CNTNAP2: variants seen among roughly 807,000 people sequenced by gnomAD.
CNTNAP2 encodes contactin-associated protein-like 2.
A neutral mutation model predicts 155.2 loss-of-function variants in CNTNAP2; 98 were observed. That is an observed-to-expected ratio of 0.63 (90% CI 0.54 to 0.75). CNTNAP2 has a LOEUF of 0.75. Among genes scored for constraint, CNTNAP2 ranks in the 30% least tolerant of loss-of-function variants. The pLI is 0.00. For synonymous variants in CNTNAP2, 651 were observed against 631.2 expected, an observed-to-expected ratio of 1.03 and a Z score of -0.47; for missense variants, 1,727 against 1,688.1, an observed-to-expected ratio of 1.02 and a Z score of -0.40.
intron 12 of CNTNAP2, among the ~76,000 whole-genome samples, chr7:147,593,572 G>T (rs908810108): frequency 2.0e-5 from 3 of 152,018 alleles, no homozygotes; most frequent in African/African-American, 7.3e-5. Flanking sequence ...TTCCTCAGTT[G>T]TAAAATATCA....
At chr7:147,193,225 T>C (rs1045025062) in intron 8 of CNTNAP2, among the ~76,000 whole-genome samples, 2 of 152,184 alleles carry the variant, frequency 1.3e-5, no homozygotes, top group East Asian at 1.9e-4. Context: ...TTAATATCAA[T>C]TTTCAGATAA....
intron 11 of CNTNAP2, among the ~76,000 whole-genome samples, chr7:147,532,757 T>C (rs1194636957): frequency 6.6e-6 from 1 of 151,808 alleles, no homozygotes; most frequent in African/African-American, 2.4e-5. Context: ...CAAGAGAAAA[T>C]GAGGAAGAAG....
At chr7:147,626,349 G>T (rs914690449) in intron 12 of CNTNAP2, among the ~76,000 whole-genome samples, 3 of 151,756 alleles carry the variant, frequency 2.0e-5, no homozygotes, top group Non-Finnish European at 4.4e-5. Context: ...ATGGGGGGGT[G>T]GGTTAGGCCT....
chr7:148,009,180 C>A (rs901203446), intron 15 of CNTNAP2, among the ~76,000 whole-genome samples: 1 of 152,182 alleles, frequency 6.6e-6, no homozygotes, highest in African/African-American at 2.4e-5. Context: ...ACCTAGCCTA[C>A]CTTAAACATG....
chr7:146,336,773 C>G (rs991425502), intron 1 of CNTNAP2, among the ~76,000 whole-genome samples: 3 of 152,042 alleles, frequency 2.0e-5, no homozygotes, highest in African/African-American at 7.2e-5. Context: ...GACCTAACAA[C>G]AAGAAGAACA....
At chr7:148,255,805 G>C (rs1209450230) in intron 20 of CNTNAP2, among the ~76,000 whole-genome samples, 1 of 152,132 alleles carries the variant, frequency 6.6e-6, no homozygotes, top group Non-Finnish European at 1.5e-5. Context: ...ACACAACAAA[G>C]AAAGATCTGT....
At chr7:148,379,599 C>T (rs1465014621) in intron 21 of CNTNAP2, among the ~76,000 whole-genome samples, 1 of 152,050 alleles carries the variant, frequency 6.6e-6, no homozygotes, top group East Asian at 1.9e-4. Flanking sequence ...GTGGTTCCAG[C>T]TACTCAAAGA....
chr7:147,242,043 T>C (rs1055116362), intron 8 of CNTNAP2, among the ~76,000 whole-genome samples: 1 of 152,246 alleles, frequency 6.6e-6, no homozygotes, highest in Non-Finnish European at 1.5e-5. Context: ...GACTGTCCTC[T>C]TGGATTTGAA....
chr7:147,363,568 C>T (rs1796179425), intron 9 of CNTNAP2, among the ~76,000 whole-genome samples: 1 of 152,168 alleles, frequency 6.6e-6, no homozygotes, highest in South Asian at 2.1e-4. Context: ...GATCATACCT[C>T]AAATTCATGG....
intron 1 of CNTNAP2, among the ~76,000 whole-genome samples, chr7:146,316,619 T>C (rs752030810): frequency 3.3e-5 from 5 of 152,152 alleles, no homozygotes; most frequent in Non-Finnish European, 7.3e-5. Flanking sequence ...TGTTTGGTCA[T>C]GAGAAGTTGC....
intron 8 of CNTNAP2, among the ~76,000 whole-genome samples, chr7:147,265,418 G>A (rs1156482912): frequency 6.6e-6 from 1 of 152,124 alleles, no homozygotes; most frequent in Non-Finnish European, 1.5e-5. Flanking sequence ...CTTTAGGACA[G>A]ACTCTGACCC....
chr7:147,485,846 T>C lies in CNTNAP2; in HGVS notation c.1671-89T>C, dbSNP rs1798499745. ...TTGGTAAGGCAACCTGGCATTGAAA[T>C]GATATATTGCCCAGACAGCTTGGAA... On this transcript the variant is annotated intron_variant, in intron 10 of 23. Coordinates refer to ENST00000361727, the MANE Select transcript of CNTNAP2 (RefSeq NM_014141.6). The C allele has an allele frequency of 4.0e-6, 5 of 1,244,590 alleles. No individual in the cohort carries two copies. In the African/African-American group the frequency reaches 5.9e-5, roughly 15 times the overall value. The allele number at this position is 1,244,590 out of a possible 1,614,324, so 77.1% of individuals were successfully genotyped here. A position where few individuals can be genotyped will look rare whatever the true frequency, so the allele number is the denominator to read the frequency against.
At chr7:146,701,677 A>G (rs1232921215) in intron 1 of CNTNAP2, among the ~76,000 whole-genome samples, 3 of 152,114 alleles carry the variant, frequency 2.0e-5, no homozygotes, top group Non-Finnish European at 4.4e-5. Context: ...ACACACACAC[A>G]CACATAGAAT....
At chr7:146,937,261 C>T (rs1009445802) in intron 3 of CNTNAP2, among the ~76,000 whole-genome samples, 17 of 151,154 alleles carry the variant, frequency 1.1e-4, no homozygotes, top group Non-Finnish European at 1.6e-4. Context: ...TGTGGTGGCA[C>T]GCGCCTGTAG....
chr7:146,574,669 C>G (rs1305482281), intron 1 of CNTNAP2, among the ~76,000 whole-genome samples: 27 of 152,146 alleles, frequency 1.8e-4, no homozygotes, highest in Admixed American at 1.8e-3. Flanking sequence ...CCACTGCACT[C>G]CAGCCTGGTG....
At chr7:148,061,926 T>C (rs55649460) in intron 15 of CNTNAP2, among the ~76,000 whole-genome samples, 1,138 of 110,520 alleles carry the variant, frequency 0.01, 66 homozygotes, top group African/African-American at 0.037. Context: ...CAGATATAGA[T>C]AGATAGATAG....
intron 1 of CNTNAP2, among the ~76,000 whole-genome samples, chr7:146,344,730 G>A (rs964070070): frequency 3.9e-5 from 6 of 152,066 alleles, no homozygotes; most frequent in African/African-American, 7.2e-5. Flanking sequence ...AGCCCACCTC[G>A]GCCTCCCAAA....
At chr7:147,419,920 C>A (rs1406431182) in intron 10 of CNTNAP2, among the ~76,000 whole-genome samples, 1 of 152,140 alleles carries the variant, frequency 6.6e-6, no homozygotes, top group Non-Finnish European at 1.5e-5. Flanking sequence ...TGCTATGCCA[C>A]TTGCTGTGCT....
intron 11 of CNTNAP2, among the ~76,000 whole-genome samples, chr7:147,487,312 A>G (rs1798527123): frequency 6.6e-6 from 1 of 152,232 alleles, no homozygotes; most frequent in African/African-American, 2.4e-5. Context: ...GTTTACATAT[A>G]TGAAAGTATT....
Sources: allele counts gnomAD v4.1 joint callset (sites outside exome capture counted in the v4.1 genomes callset), GRCh38; gene constraint gnomAD v4.1.1; transcripts MANE v1.5; gene names NCBI Gene and HGNC (gene_info 2026-07-23, HGNC 2026-07-21).